POLL: variants seen among roughly 807,000 people sequenced by gnomAD.
POLL encodes the protein DNA polymerase beta-2.
A neutral mutation model predicts 58.1 loss-of-function variants in POLL; 44 were observed. The observed-to-expected ratio is 0.76, with a 90% confidence interval of 0.60 to 0.97. POLL has a LOEUF of 0.97. POLL is among the 50% of genes least tolerant of loss of function. The pLI is 0.00. For synonymous variants in POLL, 290 were observed against 283.2 expected, an observed-to-expected ratio of 1.02 and a Z score of -0.24; for missense variants, 632 against 736.8, an observed-to-expected ratio of 0.86 and a Z score of 1.65.
At position 101,580,100 on chromosome 10, in the gene POLL, G is replaced by T; in HGVS notation, c.1363+148C>A. On this transcript the variant is annotated intron_variant, in intron 8 of 8. Coordinates refer to ENST00000370162, the MANE Select transcript of POLL (RefSeq NM_001174084.2). The surrounding 1 kb of genome is among the most constrained non-coding windows in gnomAD (Gnocchi z 4.1). ...TCCATCTCTCCCTGGAGAGGATTCC[G>T]GCCCCGATAGAGAGATGGGATGCTG... 1.3e-6 allele frequency: 1 copy of T among 760,500 alleles called. No homozygotes were observed. Among genetic ancestry groups the T allele is most frequent in the Non-Finnish European group, 2.1e-6 (1 of 477,128 alleles). The allele number at this position is 760,500 out of a possible 1,614,324, so 47.1% of individuals were successfully genotyped here.
chr10:101,580,473 A>C lies in POLL; in HGVS notation c.1195-57T>G, dbSNP rs2062925002. On this transcript the variant is annotated intron_variant, in intron 7 of 8. Transcript: ENST00000370162. This position sits in a 1 kb window ranked among gnomAD's most constrained non-coding sequence, Gnocchi z 4.1. ...TGTGCGTGGGGAGCTCCTCTCCCAC[A>C]GCAGTACAAGGGCCTTCCCAGACTC... is the stretch of plus-strand genomic sequence containing the variant. The C allele has an allele frequency of 6.5e-7, 1 of 1,532,076 alleles. No individual in the cohort carries two copies. The highest frequency in any genetic ancestry group is 1.4e-5 in the African/African-American group (1 of 73,394). The allele number at this position is 1,532,076 out of a possible 1,614,324, so 94.9% of individuals were successfully genotyped here. A position where few individuals can be genotyped will look rare whatever the true frequency, so the allele number is the denominator to read the frequency against.
intron 3 of POLL, among the ~76,000 whole-genome samples, 156 bp downstream of exon 3, chr10:101,585,706 A>C (rs1375447604): frequency 6.6e-6 from 1 of 152,120 alleles, no homozygotes; most frequent in Non-Finnish European, 1.5e-5. Context: ...TGGCTCAATC[A>C]ATCCTCCCAC....
chr10:101,586,748 G>A (rs1439805952), intron 2 of POLL, among the ~76,000 whole-genome samples: 1 of 152,176 alleles, frequency 6.6e-6, no homozygotes, highest in Non-Finnish European at 1.5e-5. Flanking sequence ...GCCTGCCTCG[G>A]CCTCCCAAAG....
Position 101,579,542 on chromosome 10 carries a change from G to GCC in POLL, c.1637_1638dup (p.Pro547GlyfsTer18). 1 of 1,613,928 alleles carries GCC rather than the reference G, an allele frequency of 6.2e-7. No homozygotes were observed. Among genetic ancestry groups the GCC allele is most frequent in the Non-Finnish European group, 8.5e-7 (1 of 1,180,020 alleles). On this transcript the variant is annotated frameshift_variant, in exon 9 of 9. Transcript: ENST00000370162. LOFTEE classifies it high-confidence loss of function. This position sits in a 1 kb window ranked among gnomAD's most constrained non-coding sequence, Gnocchi z 4.4. ...GTGGGAGTGGGCAGCACTCGGCCAGGCCCCACCTTGCAGCCATGGGTGTTC... is the reference window on the plus strand; with the variant it reads ...GTGGGAGTGGGCAGCACTCGGCCAGGCCCCCCACCTTGCAGCCATGGGTGTTC...
chr10:101,582,279 T>G (rs778533528), intron 7 of POLL: 1 of 157,888 alleles, frequency 6.3e-6, no homozygotes, highest in Non-Finnish European at 1.4e-5. Context: ...AGAAGGTCCA[T>G]ACATCTGGAA....
At position 101,583,683 on chromosome 10, in the gene POLL, T is replaced by C; in HGVS notation, c.892-2A>G. 3 of 1,613,624 alleles carry C rather than the reference T, an allele frequency of 1.9e-6. No homozygotes were observed. Among genetic ancestry groups the C allele is most frequent in the Non-Finnish European group, 1.7e-6 (2 of 1,179,760 alleles). On this transcript the variant is annotated splice_acceptor_variant, in intron 5 of 8. Transcript: ENST00000370162. LOFTEE classifies it high-confidence loss of function. ...AATCCCAGGGATACTGCAGGCCTCC[T>C]AGAGGAGGAGGAGGCAGAGGCAAGA...
chr10:101,580,086 C>T lies in POLL; in HGVS notation c.1363+162G>A, dbSNP rs2062897393. 2 of 721,640 alleles carry T rather than the reference C, an allele frequency of 2.8e-6. No individual in the cohort carries two copies. The highest frequency in any genetic ancestry group is 4.5e-6 in the Non-Finnish European group (2 of 445,588). The allele number at this position is 721,640 out of a possible 1,614,324, so 44.7% of individuals were successfully genotyped here. A position where few individuals can be genotyped will look rare whatever the true frequency, so the allele number is the denominator to read the frequency against. On this transcript the variant is annotated intron_variant, in intron 8 of 8. Coordinates refer to ENST00000370162, the MANE Select transcript of POLL (RefSeq NM_001174084.2). This position sits in a 1 kb window ranked among gnomAD's most constrained non-coding sequence, Gnocchi z 4.1. The stretch of plus-strand genomic sequence containing the variant: ...TGTGGCGGGGCTGTTCCATCTCTCC[C>T]TGGAGAGGATTCCGGCCCCGATAGA...
chr10:101,580,498 CG>C lies in POLL; in HGVS notation c.1195-83del. On this transcript the variant is annotated intron_variant, in intron 7 of 8. Transcript: ENST00000370162. This position sits in a 1 kb window ranked among gnomAD's most constrained non-coding sequence, Gnocchi z 4.1. ...AGCAGTACAAGGGCCTTCCCAGACT[CG>C]GGCCCACACCCTCAGCTTATGCCCA... The C allele has an allele frequency of 7.9e-7, 1 of 1,273,428 alleles. No homozygotes were observed. The highest frequency in any genetic ancestry group is 1.1e-6 in the Non-Finnish European group (1 of 900,150). The allele number at this position is 1,273,428 out of a possible 1,614,324, so 78.9% of individuals were successfully genotyped here.
In POLL at chr10:101,585,393, G is replaced by C; in HGVS notation, c.496C>G (p.Leu166Val). The change falls in exon 4 of 9, where the codon CTT becomes GTT. Residue 166 changes from leucine to valine, a missense_variant. Physicochemically the swap from Leu to Val is conservative, Grantham distance 32. Transcript: ENST00000370162. ...GTHEALLQTA[L>V]SPPPPPTRPV... is the part of the protein sequence containing the mutation. ...CTGGTGGGAGGAGGAGGAGGAGAAAGGGCTGTCTGAAGCAGGGCCTCATGG... is the reference window on the plus strand; with the variant it reads ...CTGGTGGGAGGAGGAGGAGGAGAAACGGCTGTCTGAAGCAGGGCCTCATGG... The C allele has an allele frequency of 6.2e-7, 1 of 1,609,148 alleles. No individual in the cohort carries two copies. The highest frequency in any genetic ancestry group is 2.2e-5 in the East Asian group (1 of 44,652).
rs2062856244 is a variant in POLL at position 101,579,525 on chromosome 10, G to A, written c.1656C>T (p.Pro552=). The change falls in exon 9 of 9, where the codon CCC becomes CCT. Residue 552 remains proline, a synonymous_variant. Transcript: ENST00000370162. The surrounding 1 kb of genome is among the most constrained non-coding windows in gnomAD (Gnocchi z 4.4). ...GCKVGPGRVL[P]TPTEKDVFRL... is the part of the protein sequence containing the mutation. The stretch of plus-strand genomic sequence containing the variant: ...TGAAGACATCCTTCTCAGTGGGAGT[G>A]GGCAGCACTCGGCCAGGCCCCACCT... 6.2e-7 allele frequency: 1 copy of A among 1,613,678 alleles called. No individual in the cohort carries two copies. Among genetic ancestry groups the A allele is most frequent in the Non-Finnish European group, 8.5e-7 (1 of 1,179,988 alleles).
At chr10:101,581,987 T>C (rs2063023566) in intron 7 of POLL, 1 of 152,196 alleles carries the variant, frequency 6.6e-6, no homozygotes, top group African/African-American at 2.4e-5. Context: ...TTTGTATTTT[T>C]AGTAGAGACG....
Position 101,579,445 on chromosome 10 carries a change from G to T in POLL, c.*8C>A. ...AACTCGGCTCTCCTCAGCACCCCCA[G>T]CCATGGGTCACCAGTCCCGCTCAGC... On this transcript the variant is annotated 3_prime_UTR_variant, in exon 9 of 9. Transcript: ENST00000370162. The surrounding 1 kb of genome is among the most constrained non-coding windows in gnomAD (Gnocchi z 4.4). 1 of 1,596,662 alleles carries T rather than the reference G, an allele frequency of 6.3e-7. No homozygotes were observed.
chr10:101,579,865 G>C lies in POLL; in HGVS notation c.1364-48C>G. The stretch of plus-strand genomic sequence containing the variant: ...TGGGAGGGCAGGGAACCAGGCCTGG[G>C]CTGTCCCATCCTCCCAGGTCTCTCC... On this transcript the variant is annotated intron_variant, in intron 8 of 8. Transcript: ENST00000370162. The surrounding 1 kb of genome is among the most constrained non-coding windows in gnomAD (Gnocchi z 4.4). 1 of 1,572,984 alleles carries C rather than the reference G, an allele frequency of 6.4e-7. No individual in the cohort carries two copies. The highest frequency in any genetic ancestry group is 1.2e-5 in the South Asian group (1 of 83,350).
chr10:101,587,945 G>A lies in POLL; in HGVS notation c.-170C>T. 8.0e-7 allele frequency: 1 copy of A among 1,246,978 alleles called. No individual in the cohort carries two copies. Among genetic ancestry groups the A allele is most frequent in the South Asian group, 1.4e-5 (1 of 71,442 alleles). The allele number at this position is 1,246,978 out of a possible 1,614,324, so 77.2% of individuals were successfully genotyped here. On this transcript the variant is annotated 5_prime_UTR_variant, in exon 1 of 9. Coordinates refer to ENST00000370162, the MANE Select transcript of POLL (RefSeq NM_001174084.2). The stretch of plus-strand genomic sequence containing the variant: ...CAGCGCCGCAGCTGCGGGGAGATGG[G>A]GCACGGCCGCAGCAGGTGTGGGGAG...
In POLL at chr10:101,579,667, T is replaced by C. The variant is rs142581169; in HGVS notation, c.1514A>G (p.Tyr505Cys). 3.2e-5 allele frequency: 51 copies of C among 1,613,632 alleles called. No homozygotes were observed. In the African/African-American group the frequency reaches 5.7e-4, roughly 18 times the overall value. The change falls in exon 9 of 9, where the codon TAC becomes TGC. Residue 505 changes from tyrosine to cysteine, a missense_variant. By Grantham distance (194) the Tyr-to-Cys change is radical (BLOSUM62 -2). Transcript: ENST00000370162. The surrounding 1 kb of genome is among the most constrained non-coding windows in gnomAD (Gnocchi z 4.4). ...PYSEFACALL[Y>C]FTGSAHFNRS... ...GTTGAAGTGTGCAGAGCCGGTGAAG[T>C]AGAGCAGGGCACAGGCAAACTCGCT... is the stretch of plus-strand genomic sequence containing the variant.
In POLL at chr10:101,585,940, T is replaced by C; in HGVS notation, c.332A>G (p.Lys111Arg). ...PQLPPGAQLV[K>R]SAWLSLCLQE... is the part of the protein sequence containing the mutation. ...AAGGCACAAGCTCAGCCAGGCTGAC[T>C]TCACCAGCTGAGCACCCGGGGGCAG... Residue 111 changes from lysine to arginine, a missense_variant, in exon 3 of 9, where the codon AAG (lysine) becomes AGG (arginine). By Grantham distance (26) the Lys-to-Arg change is conservative. Transcript: ENST00000370162. 3 of 1,613,844 alleles carry C rather than the reference T, an allele frequency of 1.9e-6. No homozygotes were observed. The highest frequency in any genetic ancestry group is 2.5e-6 in the Non-Finnish European group (3 of 1,179,770).
Position 101,587,853 on chromosome 10 carries a change from G to T in POLL, c.-78C>A. The T allele has an allele frequency of 8.4e-7, 1 of 1,190,264 alleles. No homozygotes were observed. Among genetic ancestry groups the T allele is most frequent in the Non-Finnish European group, 1.1e-6 (1 of 942,302 alleles). 73.7% of individuals were successfully genotyped at this position (1,190,264 alleles called of 1,614,324 possible). On this transcript the variant is annotated 5_prime_UTR_variant, in exon 1 of 9. Transcript: ENST00000370162. ...CACAGACTCGCAGAGGAAGGAGGAGGACTTTCGGGGGTGAGTGGGAACGCC... is the reference window on the plus strand; with the variant it reads ...CACAGACTCGCAGAGGAAGGAGGAGTACTTTCGGGGGTGAGTGGGAACGCC...
At chr10:101,585,777 T>C in intron 3 of POLL, 85 bp downstream of exon 3, 1 of 1,236,512 alleles carries the variant, frequency 8.1e-7, no homozygotes, top group Non-Finnish European at 1.1e-6. Flanking sequence ...ATTTTTTAAT[T>C]AATGATAGTT....
In POLL at chr10:101,587,336, C is replaced by G. The variant is rs2063428095; in HGVS notation, c.25G>C (p.Ala9Pro). 6.2e-7 allele frequency: 1 copy of G among 1,614,124 alleles called. No homozygotes were observed. The highest frequency in any genetic ancestry group is 8.5e-7 in the Non-Finnish European group (1 of 1,180,008). The change falls in exon 2 of 9, where the codon GCA becomes CCA. Residue 9 changes from alanine to proline, a missense_variant. Ala to Pro is a conservative substitution (Grantham distance 27). Coordinates refer to ENST00000370162, the MANE Select transcript of POLL (RefSeq NM_001174084.2). The stretch of plus-strand genomic sequence containing the variant: ...TGAATTTTCTGCCGCTTGGGAAATG[C>G]CTTCAAGATACCCCTGGGATCCATT... MDPRGILK[A>P]FPKRQKIHAD...
Sources: gnomAD v4.1 joint callset for allele counts (sites outside exome capture counted in the v4.1 genomes callset) on GRCh38, gnomAD v4.1.1 for gene constraint, Gnocchi (gnomAD v3.1) non-coding constraint, MANE v1.5 for transcripts, NCBI Gene and HGNC (gene_info 2026-07-23, HGNC 2026-07-21) for gene names.